Variants in ATP8B4 observed in about 807,000 individuals in gnomAD.
ATP8B4 encodes the protein probable phospholipid-transporting ATPase IM.
A neutral mutation model predicts 145.6 loss-of-function variants in ATP8B4; 133 were observed. The observed-to-expected ratio is 0.91, with a 90% confidence interval of 0.79 to 1.05. The LOEUF is 1.05. ATP8B4 is among the 50% of genes least tolerant of loss of function. ATP8B4 has a pLI of 0.00. For synonymous variants in ATP8B4, 507 were observed against 492.9 expected (o/e 1.03, Z -0.38); for missense variants, 1,458 against 1,425.2 (o/e 1.02, Z -0.37).
At chr15:49,951,644 C>T (rs2043114619) in intron 14 of ATP8B4, among the ~76,000 whole-genome samples, 1 of 152,118 alleles carries the variant, frequency 6.6e-6, no homozygotes, top group Admixed American at 6.5e-5. Context: ...GATTCCCTAT[C>T]CAATTTCCCA....
chr15:49,861,819 C>A (rs1470612731), intron 27 of ATP8B4, among the ~76,000 whole-genome samples: 1 of 152,196 alleles, frequency 6.6e-6, no homozygotes, highest in Non-Finnish European at 1.5e-5. Flanking sequence ...TCTGAATCTG[C>A]TACTGGATTT....
At chr15:49,894,249 C>T (rs192567114) in intron 23 of ATP8B4, among the ~76,000 whole-genome samples, 8 of 152,296 alleles carry the variant, frequency 5.3e-5, no homozygotes, top group East Asian at 1.9e-4. Flanking sequence ...GGAGGCACCA[C>T]GGCCTGACAC....
intron 6 of ATP8B4, among the ~76,000 whole-genome samples, chr15:50,020,908 A>G (rs2049497749): frequency 6.6e-6 from 1 of 152,236 alleles, no homozygotes; most frequent in South Asian, 2.1e-4. Flanking sequence ...ATACTAAAGT[A>G]TTGATAGATA....
chr15:50,046,648 A>G (rs562544206), intron 4 of ATP8B4, among the ~76,000 whole-genome samples: 1 of 152,238 alleles, frequency 6.6e-6, no homozygotes, highest in Non-Finnish European at 1.5e-5. Context: ...TACCAGTTTG[A>G]TCTGCTTAAA....
intron 1 of ATP8B4, among the ~76,000 whole-genome samples, chr15:50,175,326 A>C (rs2140877396): frequency 6.6e-6 from 1 of 152,346 alleles, no homozygotes; most frequent in Admixed American, 6.5e-5. Context: ...GCTTTTGCAA[A>C]GCAAAAGGAA....
At chr15:50,147,535 C>T (rs958539042) in intron 1 of ATP8B4, among the ~76,000 whole-genome samples, 2 of 151,590 alleles carry the variant, frequency 1.3e-5, no homozygotes, top group Non-Finnish European at 2.9e-5. Context: ...CATGTCTAAA[C>T]ACCATAGTCA....
chr15:50,165,272 C>T (rs1175860123), intron 1 of ATP8B4, among the ~76,000 whole-genome samples: 3 of 152,104 alleles, frequency 2.0e-5, no homozygotes, highest in African/African-American at 7.2e-5. Context: ...AGGCTGGTCT[C>T]GAACTCTTGA....
intron 1 of ATP8B4, among the ~76,000 whole-genome samples, chr15:50,158,179 C>T (rs34670711): frequency 0.56 from 85,350 of 151,614 alleles, 24,695 homozygotes; most frequent in East Asian, 0.93. Context: ...GCCGCCACCC[C>T]GTCTGGGAAG....
chr15:50,000,629 A>G (rs956888734), intron 8 of ATP8B4, among the ~76,000 whole-genome samples: 5 of 152,146 alleles, frequency 3.3e-5, no homozygotes, highest in Admixed American at 6.6e-5. Context: ...ATGGTTTACA[A>G]ATATTTTCTT....
chr15:49,860,681 TATTAAGTA>T (rs1370731057), intron 27 of ATP8B4, among the ~76,000 whole-genome samples: 1 of 152,196 alleles, frequency 6.6e-6, no homozygotes, highest in African/African-American at 2.4e-5. Flanking sequence ...ATCGAGACAC[TATTAAGTA>T]ATTAAGAAAT....
At chr15:50,077,347 T>A (rs964443934) in intron 2 of ATP8B4, among the ~76,000 whole-genome samples, 1 of 152,164 alleles carries the variant, frequency 6.6e-6, no homozygotes, top group African/African-American at 2.4e-5. Context: ...TTTTTTAAGA[T>A]TGAAAACATA....
chr15:50,080,955 T>A (rs1009753493), intron 2 of ATP8B4, among the ~76,000 whole-genome samples: 2 of 151,230 alleles, frequency 1.3e-5, no homozygotes, highest in African/African-American at 2.4e-5. Flanking sequence ...CTACGAAAAA[T>A]ACAAAAAATT....
At chr15:49,902,820 T>A (rs1412744524) in intron 20 of ATP8B4, among the ~76,000 whole-genome samples, 1 of 152,156 alleles carries the variant, frequency 6.6e-6, no homozygotes, top group African/African-American at 2.4e-5. Context: ...CTGACAATGT[T>A]GCAGAGCTCA....
chr15:50,175,836 TC>T (rs1463114766), intron 1 of ATP8B4, among the ~76,000 whole-genome samples: 1 of 152,074 alleles, frequency 6.6e-6, no homozygotes, highest in East Asian at 1.9e-4. Flanking sequence ...GATCCAGCAA[TC>T]CCACTGCTGG....
chr15:50,085,753 T>G (rs1015533549), intron 2 of ATP8B4, among the ~76,000 whole-genome samples: 8 of 148,714 alleles, frequency 5.4e-5, no homozygotes, highest in Non-Finnish European at 1.2e-4. Context: ...ATCAAGTAAA[T>G]GTATATGTAT....
chr15:50,006,605 G>A (rs1234735631), intron 7 of ATP8B4, among the ~76,000 whole-genome samples: 1 of 151,206 alleles, frequency 6.6e-6, no homozygotes, highest in Non-Finnish European at 1.5e-5. Context: ...CCCCAGTCAC[G>A]CCTGGAGTTT....
intron 1 of ATP8B4, among the ~76,000 whole-genome samples, chr15:50,116,543 C>G (rs1322784988): frequency 2.6e-5 from 4 of 152,174 alleles, no homozygotes; most frequent in African/African-American, 9.7e-5. Flanking sequence ...GACTTGGAAT[C>G]ATCAACATAT....
intron 14 of ATP8B4, among the ~76,000 whole-genome samples, chr15:49,942,989 T>A (rs540062616): frequency 3.0e-4 from 46 of 151,988 alleles, no homozygotes; most frequent in Non-Finnish European, 4.7e-4. Flanking sequence ...TTAACAAAAT[T>A]TTTTTTTTAT....
chr15:50,022,604 C>G (rs964827535), intron 6 of ATP8B4, among the ~76,000 whole-genome samples: 8 of 152,190 alleles, frequency 5.3e-5, no homozygotes, highest in Non-Finnish European at 8.8e-5. Context: ...TTTTCCAATT[C>G]AAGCCAATAG....
Sources: gnomAD v4.1 joint callset for allele counts (sites outside exome capture counted in the v4.1 genomes callset) on GRCh38, gnomAD v4.1.1 for gene constraint, MANE v1.5 for transcripts, NCBI Gene and HGNC (gene_info 2026-07-23, HGNC 2026-07-21) for gene names.